GIN1: variants seen among roughly 807,000 people sequenced by gnomAD.
The protein encoded by GIN1 is gypsy retrotransposon integrase-like protein 1.
GIN1 carries 41 observed loss-of-function variants against 51.4 expected under a neutral mutation model. The observed-to-expected ratio is 0.80, with a 90% CI of 0.62 to 1.04. The LOEUF (loss-of-function observed/expected upper bound fraction) is 1.04. GIN1 is among the 50% of genes least tolerant of loss of function. GIN1 has a pLI of 0.00. For synonymous variants in GIN1, 222 were observed against 206.5 expected (o/e 1.07, Z -0.64); for missense variants, 610 against 612.4 (o/e 1.00, Z 0.04).
chr5:103,098,817 G>C (rs901938072), intron 4 of GIN1, among the ~76,000 whole-genome samples: 1 of 152,058 alleles, frequency 6.6e-6, no homozygotes, highest in African/African-American at 2.4e-5. Flanking sequence ...TAGGTCATAA[G>C]TTAATGTTTA....
At position 103,104,567 on chromosome 5, in the gene GIN1, C is replaced by A; in HGVS notation, c.613G>T (p.Asp205Tyr). The A allele has an allele frequency of 6.5e-7, 1 of 1,534,704 alleles. No homozygotes were observed. The highest frequency in any genetic ancestry group is 1.1e-5 in the South Asian group (1 of 88,604). ...LYGPPQKIIM[D>Y]QRDEFIQQIN... ...TGTTGAATGAATTCATCTCTTTGGT[C>A]CATTATTATTTTCTGAGGAGGTCCA... is the stretch of plus-strand genomic sequence containing the variant. Residue 205 changes from aspartate (D) to tyrosine (Y), a missense_variant, in exon 4 of 8, where the codon GAC (aspartate) becomes TAC (tyrosine). By Grantham distance (160) the Asp-to-Tyr change is radical. Coordinates refer to ENST00000399004, the MANE Select transcript of GIN1 (RefSeq NM_017676.2).
intron 1 of GIN1, among the ~76,000 whole-genome samples, chr5:103,117,008 C>T (rs1415781942): frequency 6.6e-6 from 1 of 152,024 alleles, no homozygotes; most frequent in Non-Finnish European, 1.5e-5. Context: ...TAAAGTTAAA[C>T]ATCAATTTAC....
intron 3 of GIN1, among the ~76,000 whole-genome samples, 163 bp from the exon 4 acceptor site, chr5:103,105,009 A>G (rs1477859653): frequency 1.3e-5 from 2 of 152,256 alleles, no homozygotes; most frequent in African/African-American, 4.8e-5. Context: ...CCTATTTAGA[A>G]TAACAAACAA....
Position 103,097,689 on chromosome 5 carries a change from G to C in GIN1, c.732C>G (p.Asn244Lys), listed in dbSNP as rs561443400. 35 of 1,601,680 alleles carry C rather than the reference G, an allele frequency of 2.2e-5. 1 individual carries two copies. In the East Asian group the frequency reaches 7.6e-4, roughly 35 times the overall value. Residue 244 changes from asparagine (N) to lysine (K), a missense_variant, in exon 5 of 8, where the codon AAC (asparagine) becomes AAG (lysine). Transcript: ENST00000399004. ...GTVNPTESTP[N>K]TIKAFLSKHC... Reference sequence around the variant, plus strand: ...GTTTGGAGAGAAATGCTTTGATTGTGTTAGGTGTACTTTCCGTTGGGTTAA... The same window carrying C: ...GTTTGGAGAGAAATGCTTTGATTGTCTTAGGTGTACTTTCCGTTGGGTTAA...
chr5:103,097,370 C>A lies in GIN1; in HGVS notation c.952G>T (p.Asp318Tyr). 6.2e-7 allele frequency: 1 copy of A among 1,600,608 alleles called. No individual in the cohort carries two copies. The highest frequency in any genetic ancestry group is 8.6e-7 in the Non-Finnish European group (1 of 1,168,026). Reference sequence around the variant, plus strand: ...ATTTTATCAGCTTCTTTAATTGCATCTAGAATTTTGGCAAACATACTTGTA... The same window carrying A: ...ATTTTATCAGCTTCTTTAATTGCATATAGAATTTTGGCAAACATACTTGTA... ...DNTSMFAKIL[D>Y]AIKEADKIME... The change falls in exon 6 of 8, where the codon GAT becomes TAT. Residue 318 changes from aspartate to tyrosine, a missense_variant. Physicochemically the swap from Asp to Tyr is radical, Grantham distance 160. Coordinates refer to ENST00000399004, the MANE Select transcript of GIN1 (RefSeq NM_017676.2).
intron 1 of GIN1, among the ~76,000 whole-genome samples, chr5:103,109,522 G>A (rs1379719708): frequency 3.3e-5 from 5 of 151,988 alleles, no homozygotes; most frequent in African/African-American, 7.2e-5. Context: ...ATGTAAAACC[G>A]TCTTTCTGAT....
chr5:103,107,403 G>A (rs1452572577), intron 2 of GIN1, among the ~76,000 whole-genome samples: 1 of 152,048 alleles, frequency 6.6e-6, no homozygotes, highest in African/African-American at 2.4e-5. Flanking sequence ...TGGTGAAGCG[G>A]GCAAGTGGAA....
chr5:103,106,837 T>A lies in GIN1; in HGVS notation c.212A>T (p.Lys71Met). ...RLVIVSEEEKKKVLRECHEND... is the reference protein window; with the variant it reads ...RLVIVSEEEKMKVLRECHEND... ...TTCATGGCATTCTCTTAAGACTTTCTTTTTTTCCTCTTCTGAAACAATTAC... is the reference window on the plus strand; with the variant it reads ...TTCATGGCATTCTCTTAAGACTTTCATTTTTTCCTCTTCTGAAACAATTAC... Residue 71 changes from lysine (K) to methionine (M), a missense_variant, in exon 3 of 8, where the codon AAG (lysine) becomes ATG (methionine). Coordinates refer to ENST00000399004, the MANE Select transcript of GIN1 (RefSeq NM_017676.2). 1 of 1,601,874 alleles carries A rather than the reference T, an allele frequency of 6.2e-7. No homozygotes were observed. The highest frequency in any genetic ancestry group is 8.5e-7 in the Non-Finnish European group (1 of 1,172,706).
intron 1 of GIN1, among the ~76,000 whole-genome samples, chr5:103,119,521 C>A (rs573540822): frequency 6.6e-6 from 1 of 152,254 alleles, no homozygotes; most frequent in African/African-American, 2.4e-5. Context: ...TTCAGAAATG[C>A]CCATTTAAGA....
rs1163052742 is a variant in GIN1, at chr5:103,087,166, GGGTCTCCCTGT to G, written c.*721_*731del. ...TTTTAAACATTTTTCTGTAGAGATA[GGGTCTCCCTGT>G]GTTGCCCAGGCTGGTCTCGAACTCC... On this transcript the variant is annotated 3_prime_UTR_variant, in exon 8 of 8. Coordinates refer to ENST00000399004, the MANE Select transcript of GIN1 (RefSeq NM_017676.2). 2 of 152,316 alleles carry G rather than the reference GGGTCTCCCTGT, an allele frequency of 1.3e-5. No individual in the cohort carries two copies. The highest frequency in any genetic ancestry group is 1.3e-4 in the Admixed American group (2 of 15,290). 9.4% of individuals were successfully genotyped at this position (152,316 alleles called of 1,614,324 possible). A position where few individuals can be genotyped will look rare whatever the true frequency, so the allele number is the denominator to read the frequency against.
intron 6 of GIN1, 88 bp downstream of exon 6, chr5:103,097,226 C>A: frequency 1.4e-6 from 1 of 740,002 alleles, no homozygotes; most frequent in Non-Finnish European, 2.3e-6. Context: ...TGTGTGTGTG[C>A]ATGCACACAT....
At chr5:103,119,129 T>C (rs1554197933) in intron 1 of GIN1, among the ~76,000 whole-genome samples, 1 of 152,188 alleles carries the variant, frequency 6.6e-6, no homozygotes, top group African/African-American at 2.4e-5. Context: ...TAATTTTGTG[T>C]TCAATAAAGT....
Position 103,087,864 on chromosome 5 carries a change from C to T in GIN1, c.*34G>A. 3.3e-6 allele frequency: 3 copies of T among 902,378 alleles called. No homozygotes were observed. Among genetic ancestry groups the T allele is most frequent in the East Asian group, 2.7e-5 (1 of 37,248 alleles). 55.9% of individuals were successfully genotyped at this position (902,378 alleles called of 1,614,324 possible). A position where few individuals can be genotyped will look rare whatever the true frequency, so the allele number is the denominator to read the frequency against. ...TAAGATATCATTAAGAATTTATATT[C>T]TAAACAAACAATTTAAATAAATTTT... is the stretch of plus-strand genomic sequence containing the variant. On this transcript the variant is annotated 3_prime_UTR_variant, in exon 8 of 8. Transcript: ENST00000399004.
At chr5:103,095,899 G>C (rs1304884542) in intron 7 of GIN1, among the ~76,000 whole-genome samples, 1 of 152,112 alleles carries the variant, frequency 6.6e-6, no homozygotes, top group East Asian at 1.9e-4. Flanking sequence ...ACTCCAGCCT[G>C]GGGGACAGAA....
At chr5:103,091,525 T>C (rs1301062828) in intron 7 of GIN1, among the ~76,000 whole-genome samples, 1 of 152,224 alleles carries the variant, frequency 6.6e-6, no homozygotes, top group Non-Finnish European at 1.5e-5. Flanking sequence ...ATTCCATTAA[T>C]TTAGTTATGA....
chr5:103,113,956 A>G (rs1554197150), intron 1 of GIN1, among the ~76,000 whole-genome samples: 7 of 152,188 alleles, frequency 4.6e-5, no homozygotes. Flanking sequence ...GCTTTATAAG[A>G]TATGGTTTTT....
chr5:103,109,595 T>C (rs140573745), intron 1 of GIN1, among the ~76,000 whole-genome samples: 1 of 152,256 alleles, frequency 6.6e-6, no homozygotes, highest in East Asian at 1.9e-4. Flanking sequence ...ATAAAGTATA[T>C]GTCAATTTAA....
chr5:103,110,903 G>A (rs1017981396), intron 1 of GIN1, among the ~76,000 whole-genome samples: 8 of 151,958 alleles, frequency 5.3e-5, no homozygotes, highest in African/African-American at 1.5e-4. Flanking sequence ...GTTTCATGTC[G>A]CTCCAGGTCA....
intron 7 of GIN1, among the ~76,000 whole-genome samples, chr5:103,094,422 A>G (rs1369182385): frequency 6.6e-6 from 1 of 152,142 alleles, no homozygotes; most frequent in Non-Finnish European, 1.5e-5. Flanking sequence ...TCATATTGCA[A>G]TATTATTTGT....
Sources: gnomAD v4.1 joint callset for allele counts (sites outside exome capture counted in the v4.1 genomes callset) on GRCh38, gnomAD v4.1.1 for gene constraint, MANE v1.5 for transcripts, NCBI Gene and HGNC (gene_info 2026-07-23, HGNC 2026-07-21) for gene names.